The following FGD1 variants were observed in gnomAD, a reference collection of about 807,000 sequenced individuals.
FGD1 encodes the protein FYVE, RhoGEF and PH domain-containing protein 1.
In FGD1, 12 loss-of-function variants were observed where a neutral mutation model predicts 65.0. That is an observed-to-expected ratio of 0.18 (90% CI 0.12 to 0.30). The LOEUF is 0.30. FGD1 is among the 10% of genes least tolerant of loss of function. FGD1 has a pLI of 1.00. For missense variants in FGD1, 542 were observed against 837.6 expected (o/e 0.65, Z 4.36); for synonymous variants, 333 against 343.9 (o/e 0.97, Z 0.35).
chrX:54,474,859 C>A (rs1274171375), intron 1 of FGD1, among the ~76,000 whole-genome samples: 1 of 112,560 alleles, frequency 8.9e-6, no homozygotes, highest in African/African-American at 3.2e-5. Flanking sequence ...CACATAGGTG[C>A]CAGGGTCCCT....
At chrX:54,490,171 G>A (rs951211764) in intron 1 of FGD1, among the ~76,000 whole-genome samples, 31 of 111,279 alleles carry the variant, frequency 2.8e-4, no homozygotes, top group African/African-American at 8.2e-4. Flanking sequence ...AGCAGACACC[G>A]GAGCCTATTT....
intron 1 of FGD1, among the ~76,000 whole-genome samples, chrX:54,486,273 G>A (rs773847016): frequency 1.8e-4 from 19 of 106,643 alleles, no homozygotes; most frequent in Non-Finnish European, 3.1e-4. Context: ...TCTTAGAGAC[G>A]GAGTCTCGCT....
At chrX:54,489,996 G>A (rs947607905) in intron 1 of FGD1, among the ~76,000 whole-genome samples, 8 of 112,291 alleles carry the variant, frequency 7.1e-5, no homozygotes, top group Admixed American at 9.5e-5. Context: ...GGAATACTAT[G>A]CAGCCATAAA....
chrX:54,488,830 A>T (rs1923350108), intron 1 of FGD1, among the ~76,000 whole-genome samples: 1 of 111,284 alleles, frequency 9.0e-6, no homozygotes, highest in South Asian at 3.8e-4. Context: ...TGGTGCTGAG[A>T]TAACTGGCTA....
intron 1 of FGD1, among the ~76,000 whole-genome samples, chrX:54,483,634 G>T (rs995347934): frequency 2.0e-4 from 22 of 112,071 alleles, no homozygotes; most frequent in Non-Finnish European, 1.9e-4. Flanking sequence ...GACCCAGATA[G>T]GCATATCTGA....
At chrX:54,452,722 G>A (rs981134293) in intron 12 of FGD1, among the ~76,000 whole-genome samples, 4 of 111,250 alleles carry the variant, frequency 3.6e-5, no homozygotes, top group African/African-American at 1.3e-4. Flanking sequence ...CTCTGGCCTG[G>A]GCGACAGAGT....
In FGD1 at chrX:54,456,381, G is replaced by C; in HGVS notation, c.1696-15C>G. The C allele has an allele frequency of 8.3e-6, 10 of 1,211,748 alleles. No homozygotes were observed. Among genetic ancestry groups the C allele is most frequent in the Non-Finnish European group, 1.1e-5 (10 of 895,500 alleles). On this transcript the variant is annotated splice_polypyrimidine_tract_variant and intron_variant, in intron 9 of 17. Coordinates refer to ENST00000375135, the MANE Select transcript of FGD1 (RefSeq NM_004463.3). The stretch of plus-strand genomic sequence containing the variant: ...TGCATTCGCTCCTGGCAAAAGACAG[G>C]GAACAAAAGGCACGGTTGGGGTGCC...
intron 8 of FGD1, 100 bp from the exon 9 acceptor site, chrX:54,456,667 CTG>C: frequency 1.5e-6 from 1 of 663,633 alleles, no homozygotes; most frequent in Non-Finnish European, 2.3e-6. Context: ...GAGTCTCACT[CTG>C]TTGCCCAGGC....
At chrX:54,453,305 A>G (rs1922424241) in intron 12 of FGD1, among the ~76,000 whole-genome samples, 1 of 110,759 alleles carries the variant, frequency 9.0e-6, no homozygotes, top group Non-Finnish European at 1.9e-5. Flanking sequence ...TCTCACATTC[A>G]TCTCTCTCTC....
intron 1 of FGD1, among the ~76,000 whole-genome samples, chrX:54,483,354 GAAGGCAAAGGCA>G (rs1394300163): frequency 8.9e-6 from 1 of 112,067 alleles, no homozygotes; most frequent in Non-Finnish European, 1.9e-5. Flanking sequence ...GGGGAGCAGG[GAAGGCAAAGGCA>G]AAGGCGAAGG....
Position 54,470,693 on chromosome X carries a change from TGGAGGGG to T in FGD1, c.542_548del (p.Pro181HisfsTer32). 3.5e-6 allele frequency: 1 copy of T among 288,389 alleles called. No homozygotes were observed. Among genetic ancestry groups the T allele is most frequent in the Non-Finnish European group, 4.8e-6 (1 of 208,617 alleles). The allele number at this position is 288,389 out of a possible 1,213,427, so 23.8% of individuals were successfully genotyped here. ...GGTCGGCAGGCAGTGGGCGTGATGG[TGGAGGGG>T]GGATGGGCTCCAGTGGGGGGGGCAT... On this transcript the variant is annotated frameshift_variant, in exon 3 of 18. Transcript: ENST00000375135. LOFTEE classifies it high-confidence loss of function.
rs1450850050 is a variant in FGD1 at position 54,445,877 on chromosome X, C to T, written c.*232G>A. 2 of 398,021 alleles carry T rather than the reference C, an allele frequency of 5.0e-6. No homozygotes were observed. Among genetic ancestry groups the T allele is most frequent in the East Asian group, 8.6e-5 (2 of 23,177 alleles). 32.8% of individuals were successfully genotyped at this position (398,021 alleles called of 1,213,427 possible). A position where few individuals can be genotyped will look rare whatever the true frequency, so the allele number is the denominator to read the frequency against. On this transcript the variant is annotated 3_prime_UTR_variant, in exon 18 of 18. Coordinates refer to ENST00000375135, the MANE Select transcript of FGD1 (RefSeq NM_004463.3). ...TAGGACTGGCAACGGCTCCCACCCT[C>T]CCTGGGGACAGGGATTAATAAAAAT... is the stretch of plus-strand genomic sequence containing the variant.
At chrX:54,455,857 G>A in intron 10 of FGD1, 73 bp from the exon 11 acceptor site, 1 of 892,005 alleles carries the variant, frequency 1.1e-6, no homozygotes, top group South Asian at 2.2e-5. Context: ...TTGCCCTGAA[G>A]CTTTACTGCC....
intron 1 of FGD1, among the ~76,000 whole-genome samples, chrX:54,491,153 G>A (rs1295671067): frequency 4.5e-5 from 5 of 111,297 alleles, no homozygotes; most frequent in South Asian, 7.6e-4. Flanking sequence ...CCCATGTCTC[G>A]CTGCCTTTGC....
intron 1 of FGD1, among the ~76,000 whole-genome samples, chrX:54,478,463 T>C (rs1468419973): frequency 9.0e-6 from 1 of 110,883 alleles, no homozygotes; most frequent in African/African-American, 3.3e-5. Flanking sequence ...GGTGTCATCA[T>C]GATCACTGAC....
intron 12 of FGD1, among the ~76,000 whole-genome samples, chrX:54,452,287 AAAAG>A (rs1206589865): frequency 1.0e-4 from 11 of 108,003 alleles, no homozygotes; most frequent in Admixed American, 3.0e-4. Context: ...AAAAAAAAAA[AAAAG>A]AACTACAGTA....
At chrX:54,490,736 C>T (rs958606791) in intron 1 of FGD1, among the ~76,000 whole-genome samples, 1 of 111,277 alleles carries the variant, frequency 9.0e-6, no homozygotes, top group East Asian at 2.8e-4. Flanking sequence ...ATAGATGGCC[C>T]CACCAACATC....
intron 14 of FGD1, 24 bp downstream of exon 14, chrX:54,449,635 G>A: frequency 9.5e-7 from 1 of 1,055,930 alleles, no homozygotes; most frequent in Admixed American, 2.2e-5. Context: ...CCCAGTGCAG[G>A]GGAAAGAGGG....
chrX:54,482,371 G>C (rs1923169095), intron 1 of FGD1, among the ~76,000 whole-genome samples: 2 of 112,035 alleles, frequency 1.8e-5, no homozygotes, highest in African/African-American at 3.2e-5. Flanking sequence ...CTCTGGACTA[G>C]AGGCCAGAGG....
Sources: allele counts gnomAD v4.1 joint callset (sites outside exome capture counted in the v4.1 genomes callset), GRCh38; gene constraint gnomAD v4.1.1; transcripts MANE v1.5; gene names NCBI Gene and HGNC (gene_info 2026-07-23, HGNC 2026-07-21).